Variants in KDM2B observed in about 807,000 individuals in gnomAD.
The protein encoded by KDM2B is lysine demethylase 2B, also known as lysine-specific demethylase 2B.
KDM2B carries 26 observed loss-of-function variants against 150.0 expected under a neutral mutation model. That is an observed-to-expected ratio of 0.17 (90% CI 0.13 to 0.24). KDM2B has a LOEUF of 0.24. Among genes scored for constraint, KDM2B ranks in the 10% least tolerant of loss-of-function variants. The pLI is 1.00. For synonymous variants in KDM2B, 734 were observed against 729.5 expected (o/e 1.01, Z -0.10); for missense variants, 1,265 against 1,816.9 (o/e 0.70, Z 5.52).
rs1875525447 is a variant in KDM2B, at chr12:121,443,373, C to T, written c.2565+307G>A. 6 of 578,158 alleles carry T rather than the reference C, an allele frequency of 1.0e-5. No individual in the cohort carries two copies. In the Admixed American group the frequency reaches 1.2e-4, roughly 12 times the overall value. The allele number at this position is 578,158 out of a possible 1,614,324, so 35.8% of individuals were successfully genotyped here. On this transcript the variant is annotated intron_variant, in intron 17 of 22. Transcript: ENST00000377071. The stretch of plus-strand genomic sequence containing the variant: ...GGAATCCCCGGCCCAGCAGGAATGG[C>T]TAGAGCTGGGAGAGACTCCTGGCGC...
At chr12:121,486,419 T>G (rs1882769403) in intron 12 of KDM2B, among the ~76,000 whole-genome samples, 1 of 139,294 alleles carries the variant, frequency 7.2e-6, no homozygotes, top group Non-Finnish European at 1.5e-5. Context: ...GACCTTGTGA[T>G]CCACCCACCT....
chr12:121,554,086 A>C (rs944164618), intron 4 of KDM2B, among the ~76,000 whole-genome samples: 8 of 88,436 alleles, frequency 9.0e-5, no homozygotes, highest in South Asian at 3.9e-4. Flanking sequence ...CACACACACA[A>C]ATTGGCCAAG....
At chr12:121,416,255 G>A in the KDM2B span, 13 of 1,614,062 alleles carry the variant, frequency 8.1e-6, no homozygotes, top group Middle Eastern at 1.6e-4. Context: ...ATTTGCAGGA[G>A]CCACCGGTCC....
At position 121,453,363 on chromosome 12, in the gene KDM2B, G is replaced by A. The variant is rs1339751256; in HGVS notation, c.1735-19C>T. 11 of 1,540,126 alleles carry A rather than the reference G, an allele frequency of 7.1e-6. No individual in the cohort carries two copies. The East Asian group carries it at 1.7e-4, about 24-fold the overall frequency. ...CCCGGTTCTGCAGGGGAACAGACAC[G>A]ACTGGTCAGATGGGGAGACTGCAGG... On this transcript the variant is annotated intron_variant, in intron 12 of 22. Transcript: ENST00000377071. The surrounding 1 kb of genome is among the most constrained non-coding windows in gnomAD (Gnocchi z 6.4).
In KDM2B at chr12:121,563,992, G is replaced by A. The variant is rs150448593; in HGVS notation, c.397+10555C>T. ...ATGATCTGGGCATGGTGGCGCACCT[G>A]TAGTCCCAGCTACTTGGGAGGTTGA... is the stretch of plus-strand genomic sequence containing the variant. On this transcript the variant is annotated intron_variant, in intron 4 of 22. Coordinates refer to ENST00000377071, the MANE Select transcript of KDM2B (RefSeq NM_032590.5). 1.1e-3 allele frequency among the ~76,000 whole-genome samples: 168 copies of A among 152,114 alleles called. 3 individuals are homozygous for A. In the East Asian group the frequency reaches 0.025, roughly 23 times the overall value.
chr12:121,528,351 GA>G (rs1319302522), intron 8 of KDM2B, among the ~76,000 whole-genome samples: 1 of 152,124 alleles, frequency 6.6e-6, no homozygotes, highest in Non-Finnish European at 1.5e-5. Flanking sequence ...TTGAGGCCAG[GA>G]ATTTGAGACC....
intron 19 of KDM2B, among the ~76,000 whole-genome samples, chr12:121,441,835 C>T (rs1357973537): frequency 6.6e-6 from 1 of 152,238 alleles, no homozygotes; most frequent in Non-Finnish European, 1.5e-5. Flanking sequence ...TAAGGCAGAG[C>T]TAAGGCCAGA....
rs183950292 is a variant in KDM2B at position 121,446,223 on chromosome 12, G to T, written c.1960-805C>A. On this transcript the variant is annotated intron_variant, in intron 13 of 22. Coordinates refer to ENST00000377071, the MANE Select transcript of KDM2B (RefSeq NM_032590.5). ...ATCCCGGCTACCACGGTGAAACCCC[G>T]TCTCTACTAAAAATACAAAAAGAAA... Among the ~76,000 whole-genome samples, 3 of 152,146 alleles carry T rather than the reference G, an allele frequency of 2.0e-5. No homozygotes were observed. The South Asian group carries it at 6.2e-4, about 32-fold the overall frequency.
intron 9 of KDM2B, among the ~76,000 whole-genome samples, chr12:121,517,803 C>T (rs1555305296): frequency 1.3e-5 from 2 of 151,672 alleles, no homozygotes; most frequent in East Asian, 1.9e-4. Flanking sequence ...CAAAGCCACA[C>T]CATGGAGCTT....
rs201630694 is a variant in KDM2B, at chr12:121,509,545, C to A, written c.1647+22G>T. On this transcript the variant is annotated intron_variant, in intron 11 of 22. Coordinates refer to ENST00000377071, the MANE Select transcript of KDM2B (RefSeq NM_032590.5). ...GCCCGGCCCTCCTCGGCCGCCCAGCCCCAGACGCCACTCCTGCCCACCTTC... is the reference window on the plus strand; with the variant it reads ...GCCCGGCCCTCCTCGGCCGCCCAGCACCAGACGCCACTCCTGCCCACCTTC... The A allele has an allele frequency of 2.9e-3, 4,716 of 1,608,398 alleles. 22 individuals are homozygous for A. The highest frequency in any genetic ancestry group is 9.1e-3 in the South Asian group (823 of 90,670).
chr12:121,537,364 G>T lies in KDM2B; in HGVS notation c.684-2774C>A, dbSNP rs529485833. The T allele has an allele frequency of 1.3e-5, 2 of 152,806 alleles. No individual in the cohort carries two copies. Among genetic ancestry groups the T allele is most frequent in the East Asian group, 3.9e-4 (2 of 5,178 alleles). The allele number at this position is 152,806 out of a possible 1,614,324, so 9.5% of individuals were successfully genotyped here. ...GCAGTCACATGGGCACCCCGGCTCG[G>T]TGCCACGGCCGCTAAGCTCTCCCCA... On this transcript the variant is annotated intron_variant, in intron 6 of 22. Coordinates refer to ENST00000377071, the MANE Select transcript of KDM2B (RefSeq NM_032590.5). This position sits in a 1 kb window ranked among gnomAD's most constrained non-coding sequence, Gnocchi z 8.7.
intron 13 of KDM2B, among the ~76,000 whole-genome samples, chr12:121,450,810 G>A (rs1477423254): frequency 6.6e-5 from 10 of 151,796 alleles, no homozygotes; most frequent in East Asian, 1.9e-4. Flanking sequence ...GCAGTGAGCC[G>A]AGATCGTGCC....
At chr12:121,530,695 C>T (rs1305449432) in intron 8 of KDM2B, among the ~76,000 whole-genome samples, 2 of 152,122 alleles carry the variant, frequency 1.3e-5, no homozygotes, top group Non-Finnish European at 2.9e-5. Flanking sequence ...AACTCAAATG[C>T]ACATTTCCTC....
At chr12:121,498,843 C>T (rs1566341382) in intron 11 of KDM2B, among the ~76,000 whole-genome samples, 1 of 152,024 alleles carries the variant, frequency 6.6e-6, no homozygotes, top group African/African-American at 2.4e-5. Flanking sequence ...TTTAAAAAAA[C>T]AGAGAGTTGC....
intron 22 of KDM2B, among the ~76,000 whole-genome samples, chr12:121,434,161 CAG>C (rs199811938): frequency 0.031 from 4,769 of 151,998 alleles, 265 homozygotes; most frequent in African/African-American, 0.11. Context: ...GCCTGGATGA[CAG>C]AGTAAGCCCC....
At chr12:121,409,180 A>G in the KDM2B span, among the ~76,000 whole-genome samples, 4 of 152,220 alleles carry the variant, frequency 2.6e-5, no homozygotes, top group Admixed American at 2.0e-4. Flanking sequence ...GGGTTTTACC[A>G]TGTTGGCCAG....
chr12:121,451,653 T>C (rs1877307814), intron 13 of KDM2B, among the ~76,000 whole-genome samples: 1 of 152,176 alleles, frequency 6.6e-6, no homozygotes, highest in South Asian at 2.1e-4. Context: ...GGCTCACGCC[T>C]GTAATCCCAG....
intron 13 of KDM2B, among the ~76,000 whole-genome samples, chr12:121,446,120 G>A (rs753937566): frequency 9.6e-4 from 146 of 152,356 alleles, no homozygotes; most frequent in Middle Eastern, 3.4e-3. Context: ...ACCAGGCCGG[G>A]CGCGGTGGCT....
At chr12:121,488,866 G>A (rs1055095245) in intron 12 of KDM2B, among the ~76,000 whole-genome samples, 2 of 151,730 alleles carry the variant, frequency 1.3e-5, no homozygotes, top group African/African-American at 2.4e-5. Flanking sequence ...GTGCAATGGC[G>A]CGATCTTGGC....
Sources: allele counts gnomAD v4.1 joint callset (sites outside exome capture counted in the v4.1 genomes callset), GRCh38; gene constraint gnomAD v4.1.1; non-coding constraint Gnocchi (gnomAD v3.1); transcripts MANE v1.5; gene names NCBI Gene and HGNC (gene_info 2026-07-23, HGNC 2026-07-21).